The following FOXA2 variants were observed in gnomAD, a reference collection of about 807,000 sequenced individuals.
The protein encoded by FOXA2 is forkhead box A2, also known as hepatocyte nuclear factor 3-beta.
FOXA2 carries 9 observed loss-of-function variants against 33.3 expected under a neutral mutation model. The ratio of observed to expected loss-of-function variants is 0.27; its 90% confidence interval spans 0.16 to 0.47. The LOEUF is 0.47. Ranked by LOEUF, FOXA2 falls within the 20% of genes least tolerant of loss-of-function variation. The pLI, the probability that FOXA2 is intolerant of heterozygous loss-of-function variation, is 0.99. For missense variants in FOXA2, 704 were observed against 659.9 expected (o/e 1.07, Z -0.73); for synonymous variants, 329 against 289.4 (o/e 1.14, Z -1.39).
rs150786045 is a variant in FOXA2 at position 22,581,905 on chromosome 20, G to C, written c.1337C>G (p.Ala446Gly). 7.3e-5 allele frequency: 117 copies of C among 1,605,798 alleles called. 1 individual carries two copies. In the African/African-American group the frequency reaches 1.1e-3, roughly 16 times the overall value. The change falls in exon 2 of 2, where the codon GCA (alanine) becomes GGA (glycine). Residue 446 changes from alanine to glycine, a missense_variant. Physicochemically the swap from Ala to Gly is moderately conservative, Grantham distance 60. Around this residue, in one of 5 missense-constraint regions of FOXA2, gnomAD observed 343 missense variants for 274.8 expected, o/e 1.25. Transcript: ENST00000419308. Reference sequence around the variant, plus strand: ...CACCCCCTGGTAGTAGGAGGTATCTGCGGCCAGGGGCGAGGCGTCCAGGCC... The same window carrying C: ...CACCCCCTGGTAGTAGGAGGTATCTCCGGCCAGGGGCGAGGCGTCCAGGCC... ...KTGLDASPLA[A>G]DTSYYQGVYS...
chr20:22,582,850 G>A lies in FOXA2; in HGVS notation c.392C>T (p.Ala131Val), dbSNP rs775592057. Residue 131 changes from alanine to valine, a missense_variant, in exon 2 of 2, where the codon GCC becomes GTC. Ala to Val is a moderately conservative substitution (Grantham distance 64). Transcript: ENST00000419308. ...CATGGAGTTCATGTTGGCGTAGGGG[G>A]CCAGGCCGCCCATGGCCCCGGCCGC... ...GQAAGAMGGL[A>V]PYANMNSMSP... 7 of 1,595,988 alleles carry A rather than the reference G, an allele frequency of 4.4e-6. No individual in the cohort carries two copies. In the African/African-American group the frequency reaches 8.1e-5, roughly 18 times the overall value.
chr20:22,582,859 C>T lies in FOXA2; in HGVS notation c.383G>A (p.Gly128Asp), dbSNP rs760742754. 1.3e-6 allele frequency: 2 copies of T among 1,586,324 alleles called. No individual in the cohort carries two copies. Among genetic ancestry groups the T allele is most frequent in the Non-Finnish European group, 1.7e-6 (2 of 1,167,296 alleles). ...PLGGQAAGAM[G>D]GLAPYANMNS... ...CATGTTGGCGTAGGGGGCCAGGCCG[C>T]CCATGGCCCCGGCCGCCTGCCCCCC... Residue 128 changes from glycine (G) to aspartate (D), a missense_variant, in exon 2 of 2, where the codon GGC becomes GAC. Around this residue, in one of 5 missense-constraint regions of FOXA2, gnomAD observed 304 missense variants for 251.7 expected, o/e 1.21. Transcript: ENST00000419308.
At chr20:22,583,762 GC>G (rs2122997263) in intron 1 of FOXA2, among the ~76,000 whole-genome samples, 1 of 152,314 alleles carries the variant, frequency 6.6e-6, no homozygotes. Context: ...ACGCGGCTGA[GC>G]TTTGCAGGCA....
intron 1 of FOXA2, among the ~76,000 whole-genome samples, chr20:22,583,379 C>A (rs1359943726): frequency 6.6e-6 from 1 of 152,226 alleles, no homozygotes; most frequent in Admixed American, 6.5e-5. Context: ...GGGCATGTGG[C>A]CCGTTCCTAG....
chr20:22,582,208 G>T lies in FOXA2; in HGVS notation c.1034C>A (p.Pro345His), dbSNP rs1394955546. The T allele has an allele frequency of 6.5e-7, 1 of 1,545,820 alleles. No homozygotes were observed. Among genetic ancestry groups the T allele is most frequent in the Admixed American group, 2.0e-5 (1 of 50,768 alleles). The change falls in exon 2 of 2, where the codon CCC (proline) becomes CAC (histidine). Residue 345 changes from proline (P) to histidine (H), a missense_variant. Transcript: ENST00000419308. Reference protein sequence around the residue: ...ALSPPEPAPSPGQQQQAAAHL... With the variant: ...ALSPPEPAPSHGQQQQAAAHL... ...GGCCGCGGCCTGCTGCTGCTGCCCG[G>T]GAGAGGGCGCCGGCTCTGGGGGGCT...
At position 22,581,686 on chromosome 20, in the gene FOXA2, G is replaced by A; in HGVS notation, c.*164C>T. 3.1e-6 allele frequency: 2 copies of A among 640,948 alleles called. No homozygotes were observed. Among genetic ancestry groups the A allele is most frequent in the Admixed American group, 2.8e-5 (1 of 35,980 alleles). The allele number at this position is 640,948 out of a possible 1,614,324, so 39.7% of individuals were successfully genotyped here. ...TTGGGACGGAACGGCTGCAGCGGGT[G>A]AAGAAGACTGCTGTCTTGGGGGTGT... On this transcript the variant is annotated 3_prime_UTR_variant, in exon 2 of 2. Transcript: ENST00000419308.
In FOXA2 at chr20:22,581,952, C is replaced by A. The variant is rs137956508; in HGVS notation, c.1290G>T (p.Met430Ile). The A allele has an allele frequency of 1.3e-5, 21 of 1,612,466 alleles. 1 individual carries two copies. In the South Asian group the frequency reaches 1.8e-4, roughly 13 times the overall value. The stretch of plus-strand genomic sequence containing the variant: ...GGCCCGTTTTGTTCGTGACCGGGCC[C>A]ATGGCCAAGCTGCCAGGCATGGGGG... ...YGSPMPGSLA[M>I]GPVTNKTGLD... The change falls in exon 2 of 2, where the codon ATG becomes ATT. Residue 430 changes from methionine to isoleucine, a missense_variant. Around this residue, in one of 5 missense-constraint regions of FOXA2, gnomAD observed 343 missense variants for 274.8 expected, o/e 1.25. Coordinates refer to ENST00000419308, the MANE Select transcript of FOXA2 (RefSeq NM_021784.5).
chr20:22,583,224 C>T (rs1259721964), intron 1 of FOXA2, 70 bp from the exon 2 acceptor site: 9 of 1,561,970 alleles, frequency 5.8e-6, no homozygotes, highest in Admixed American at 5.0e-5. Context: ...AGACCTCCCA[C>T]CCACCGCCCA....
chr20:22,581,912 G>C lies in FOXA2; in HGVS notation c.1330C>G (p.Leu444Val). The C allele has an allele frequency of 6.2e-7, 1 of 1,606,586 alleles. No homozygotes were observed. The highest frequency in any genetic ancestry group is 8.5e-7 in the Non-Finnish European group (1 of 1,173,896). ...TNKTGLDASP[L>V]AADTSYYQGV... ...TGGTAGTAGGAGGTATCTGCGGCCA[G>C]GGGCGAGGCGTCCAGGCCCGTTTTG... Residue 444 changes from leucine to valine, a missense_variant, in exon 2 of 2, where the codon CTG (leucine) becomes GTG (valine). Physicochemically the swap from Leu to Val is conservative, Grantham distance 32. Coordinates refer to ENST00000419308, the MANE Select transcript of FOXA2 (RefSeq NM_021784.5).
rs72470555 is a variant in FOXA2 at position 22,583,748 on chromosome 20, C to T, written c.87+444G>A. ...AATAGGGAAAGAACCGAGACCTGAA[C>T]CACACGCGGCTGAGCTTTGCAGGCA... On this transcript the variant is annotated intron_variant, in intron 1 of 1. Coordinates refer to ENST00000419308, the MANE Select transcript of FOXA2 (RefSeq NM_021784.5). 1.0e-3 allele frequency among the ~76,000 whole-genome samples: 157 copies of T among 152,308 alleles called. 1 individual carries two copies. Among genetic ancestry groups the T allele is most frequent in the Non-Finnish European group, 1.8e-3 (121 of 68,016 alleles).
chr20:22,581,460 A>ATTT lies in FOXA2; in HGVS notation c.*387_*389dup. The ATTT allele has an allele frequency of 6.5e-6, 1 of 154,428 alleles. No homozygotes were observed. Among genetic ancestry groups the ATTT allele is most frequent in the Non-Finnish European group, 1.4e-5 (1 of 71,858 alleles). 9.6% of individuals were successfully genotyped at this position (154,428 alleles called of 1,614,324 possible). A position where few individuals can be genotyped will look rare whatever the true frequency, so the allele number is the denominator to read the frequency against. ...GGTTTTACACCGAGTCACTCACAAA[A>ATTT]TTTTTTTTTTTTTTTAAGTAAGACT... On this transcript the variant is annotated 3_prime_UTR_variant, in exon 2 of 2. Transcript: ENST00000419308.
Position 22,582,900 on chromosome 20 carries a change from G to A in FOXA2, c.342C>T (p.Pro114=). The A allele has an allele frequency of 1.3e-6, 2 of 1,569,492 alleles. No homozygotes were observed. The highest frequency in any genetic ancestry group is 8.6e-7 in the Non-Finnish European group (1 of 1,163,086). ...GVAGMGPHLS[P]SLSPLGGQAA... ...CCTGCCCCCCGAGCGGGCTCAGGCT[G>A]GGACTCAAGTGCGGCCCCATGCCCG... The change falls in exon 2 of 2, where the codon CCC becomes CCT. Residue 114 remains proline (P), a synonymous_variant. Coordinates refer to ENST00000419308, the MANE Select transcript of FOXA2 (RefSeq NM_021784.5).
Position 22,582,185 on chromosome 20 carries a change from C to G in FOXA2, c.1057G>C (p.Ala353Pro), listed in dbSNP as rs200305574. The G allele has an allele frequency of 1.9e-6, 3 of 1,552,214 alleles. No individual in the cohort carries two copies. The East Asian group carries it at 7.3e-5, about 38-fold the overall frequency. The change falls in exon 2 of 2, where the codon GCC (alanine) becomes CCC (proline). Residue 353 changes from alanine to proline, a missense_variant. Around this residue, in one of 5 missense-constraint regions of FOXA2, gnomAD observed 343 missense variants for 274.8 expected, o/e 1.25. Coordinates refer to ENST00000419308, the MANE Select transcript of FOXA2 (RefSeq NM_021784.5). ...TGGTGGGGCGGGCCCAGCAGGTGGG[C>G]CGCGGCCTGCTGCTGCTGCCCGGGA... ...PSPGQQQQAA[A>P]HLLGPPHHPG...
Position 22,584,280 on chromosome 20 carries a change from G to A in FOXA2, c.-2C>T. The A allele has an allele frequency of 6.2e-7, 1 of 1,612,868 alleles. No homozygotes were observed. Among genetic ancestry groups the A allele is most frequent in the Non-Finnish European group, 8.5e-7 (1 of 1,179,390 alleles). On this transcript the variant is annotated 5_prime_UTR_variant, in exon 1 of 2. Coordinates refer to ENST00000419308, the MANE Select transcript of FOXA2 (RefSeq NM_021784.5). ...CAGCATACTGGAAGCCGAGTGCATG[G>A]CAGTTTAAAATTTAACAGCCACAAC...
rs1984681858 is a variant in FOXA2, at chr20:22,584,088, T to C, written c.87+104A>G. 2.7e-6 allele frequency: 3 copies of C among 1,096,250 alleles called. No individual in the cohort carries two copies. In the South Asian group the frequency reaches 3.8e-5, roughly 14 times the overall value. The allele number at this position is 1,096,250 out of a possible 1,614,324, so 67.9% of individuals were successfully genotyped here. On this transcript the variant is annotated intron_variant, in intron 1 of 1. Transcript: ENST00000419308. ...AGGCGGCTGCCCAGAAAGGCTGGGG[T>C]TGTGGGGCGGGGTGGGGGGGTGCCA...
rs534577829 is a variant in FOXA2, at chr20:22,581,872, C to G, written c.1370G>C (p.Arg457Pro). 2.5e-6 allele frequency: 4 copies of G among 1,607,190 alleles called. No individual in the cohort carries two copies. The South Asian group carries it at 4.4e-5, about 18-fold the overall frequency. ...TTCTTAAGAGGAGTTCATAATGGGC[C>G]GGGAGTACACCCCCTGGTAGTAGGA... ...DTSYYQGVYS[R>P]PIMNSS Residue 457 changes from arginine to proline, a missense_variant, in exon 2 of 2, where the codon CGG becomes CCG. Arg to Pro is a moderately radical substitution (Grantham distance 103). Coordinates refer to ENST00000419308, the MANE Select transcript of FOXA2 (RefSeq NM_021784.5).
rs1600432384 is a variant in FOXA2 at position 22,581,741 on chromosome 20, C to T, written c.*109G>A. ...GTGGGGGTGTTATGGATTTCTTCTC[C>T]CTTGCGTCTCTGCAACACCGTCTCC... On this transcript the variant is annotated 3_prime_UTR_variant, in exon 2 of 2. Coordinates refer to ENST00000419308, the MANE Select transcript of FOXA2 (RefSeq NM_021784.5). The T allele has an allele frequency of 3.9e-6, 4 of 1,026,866 alleles. No homozygotes were observed. Among genetic ancestry groups the T allele is most frequent in the East Asian group, 2.4e-5 (1 of 41,698 alleles). The allele number at this position is 1,026,866 out of a possible 1,614,324, so 63.6% of individuals were successfully genotyped here. A position where few individuals can be genotyped will look rare whatever the true frequency, so the allele number is the denominator to read the frequency against.
rs1251909464 is a variant in FOXA2, at chr20:22,581,177, C to G, written c.*673G>C. On this transcript the variant is annotated 3_prime_UTR_variant, in exon 2 of 2. Coordinates refer to ENST00000419308, the MANE Select transcript of FOXA2 (RefSeq NM_021784.5). Reference sequence around the variant, plus strand: ...AAAGAAAAATCTGGAAGAAAAGATTCAAGGGATAAAACCGGGTATAACACT... The same window carrying G: ...AAAGAAAAATCTGGAAGAAAAGATTGAAGGGATAAAACCGGGTATAACACT... 6.6e-6 allele frequency: 1 copy of G among 152,550 alleles called. No homozygotes were observed. Among genetic ancestry groups the G allele is most frequent in the African/African-American group, 2.4e-5 (1 of 41,402 alleles). 9.4% of individuals were successfully genotyped at this position (152,550 alleles called of 1,614,324 possible).
intron 1 of FOXA2, 67 bp from the exon 2 acceptor site, chr20:22,583,221 C>T (rs1984651305): frequency 3.2e-6 from 5 of 1,565,206 alleles, no homozygotes; most frequent in Middle Eastern, 3.3e-4. Context: ...CCCAGACCTC[C>T]CACCCACCGC....
Sources: allele counts gnomAD v4.1 joint callset (sites outside exome capture counted in the v4.1 genomes callset), GRCh38; gene constraint gnomAD v4.1.1; regional missense constraint gnomAD v4.1.1; transcripts MANE v1.5; gene names NCBI Gene and HGNC (gene_info 2026-07-23, HGNC 2026-07-21).